The following ATG10 variants were observed in gnomAD, a reference collection of about 807,000 sequenced individuals.
ATG10 encodes the protein ubiquitin-like-conjugating enzyme ATG10.
In ATG10, 30 loss-of-function variants were observed where a neutral mutation model predicts 32.1. The observed-to-expected ratio is 0.94, with a 90% CI of 0.70 to 1.27. The LOEUF (loss-of-function observed/expected upper bound fraction) is 1.27. ATG10 is among the 50% of genes most tolerant of loss of function. ATG10 has a pLI of 0.00. For missense variants in ATG10, 233 were observed against 262.3 expected (o/e 0.89, Z 0.77); for synonymous variants, 87 against 91.5 (o/e 0.95, Z 0.28).
chr5:82,025,198 C>G (rs1309010561), intron 2 of ATG10, among the ~76,000 whole-genome samples: 1 of 152,006 alleles, frequency 6.6e-6, no homozygotes, highest in Non-Finnish European at 1.5e-5. Flanking sequence ...TTGCTGATAC[C>G]CGGACAAGCA....
chr5:82,127,084 A>G (rs1485245760), intron 3 of ATG10, among the ~76,000 whole-genome samples: 1 of 152,200 alleles, frequency 6.6e-6, no homozygotes, highest in Non-Finnish European at 1.5e-5. Context: ...TGTTTATAGT[A>G]TTCTCTGATG....
At position 82,254,076 on chromosome 5, in the gene ATG10, A is replaced by G. The variant is rs1747368060; in HGVS notation, c.*13A>G. The G allele has an allele frequency of 6.6e-6, 1 of 151,932 alleles. No individual in the cohort carries two copies. The highest frequency in any genetic ancestry group is 1.9e-4 in the East Asian group (1 of 5,182). The allele number at this position is 151,932 out of a possible 1,614,324, so 9.4% of individuals were successfully genotyped here. A position where few individuals can be genotyped will look rare whatever the true frequency, so the allele number is the denominator to read the frequency against. On this transcript the variant is annotated 3_prime_UTR_variant, in exon 8 of 8. Transcript: ENST00000282185. ...TGTTTTATGTTCTTCAGATTCTTCT[A>G]TTGAGTTTAGGAATTGCGGCACGAA...
In ATG10 at chr5:82,255,788, G is replaced by A. The variant is rs1373181239; in HGVS notation, c.*1725G>A. On this transcript the variant is annotated 3_prime_UTR_variant, in exon 8 of 8. Transcript: ENST00000282185. ...CTTGTAGGAAACTGCTTCAGGTGAG[G>A]ACATCATTCACCAGTGGATCACCGA... The A allele has an allele frequency of 6.6e-6, 1 of 152,182 alleles. No individual in the cohort carries two copies. 9.4% of individuals were successfully genotyped at this position (152,182 alleles called of 1,614,324 possible).
At chr5:82,078,005 G>A (rs545017143) in intron 3 of ATG10, among the ~76,000 whole-genome samples, 1 of 152,094 alleles carries the variant, frequency 6.6e-6, no homozygotes, top group Non-Finnish European at 1.5e-5. Context: ...GGTTTTTAAC[G>A]ATGGAAAAAT....
intron 3 of ATG10, among the ~76,000 whole-genome samples, chr5:82,143,933 A>G (rs968195098): frequency 5.9e-5 from 9 of 152,214 alleles, no homozygotes; most frequent in African/African-American, 1.9e-4. Context: ...AATATTTTGT[A>G]GAGCTTTACC....
At chr5:82,031,136 C>G (rs1297177627) in intron 2 of ATG10, among the ~76,000 whole-genome samples, 2 of 152,082 alleles carry the variant, frequency 1.3e-5, no homozygotes, top group African/African-American at 4.8e-5. Flanking sequence ...AGTTTGATCT[C>G]AACCAAATCA....
At chr5:82,079,943 TG>T (rs1169539721) in intron 3 of ATG10, among the ~76,000 whole-genome samples, 1 of 152,246 alleles carries the variant, frequency 6.6e-6, no homozygotes, top group African/African-American at 2.4e-5. Flanking sequence ...ATCGCCACAC[TG>T]TCTTCCACAA....
chr5:82,218,294 C>A (rs116771683), intron 5 of ATG10, among the ~76,000 whole-genome samples: 102 of 152,316 alleles, frequency 6.7e-4, no homozygotes, highest in African/African-American at 2.4e-3. Context: ...TTCTTTCCTG[C>A]TACAGATTCA....
In ATG10 at chr5:82,200,885, T is replaced by TTATA. The variant is rs1745045618; in HGVS notation, c.453+22301_453+22302insATAT. ...ATACATTATTTATTTATTTATTTAT[T>TTATA]TATTTATTTATTTATTTATTTTGAG... On this transcript the variant is annotated intron_variant, in intron 5 of 7. Coordinates refer to ENST00000282185, the MANE Select transcript of ATG10 (RefSeq NM_031482.5). Among the ~76,000 whole-genome samples the TTATA allele has an allele frequency of 2.0e-5, 3 of 150,202 alleles. No individual in the cohort carries two copies. In the South Asian group the frequency reaches 6.3e-4, roughly 31 times the overall value.
intron 2 of ATG10, among the ~76,000 whole-genome samples, chr5:82,006,901 T>G (rs1311940140): frequency 6.6e-6 from 1 of 152,202 alleles, no homozygotes; most frequent in Non-Finnish European, 1.5e-5. Context: ...GTCACCAGGC[T>G]GGAATGCGGT....
chr5:82,126,863 C>T (rs1374108401), intron 3 of ATG10, among the ~76,000 whole-genome samples: 1 of 152,298 alleles, frequency 6.6e-6, no homozygotes, highest in Non-Finnish European at 1.5e-5. Context: ...ATGGTACCAG[C>T]TCCTCTTTGT....
intron 5 of ATG10, among the ~76,000 whole-genome samples, chr5:82,236,562 C>T (rs1746559587): frequency 6.6e-6 from 1 of 152,036 alleles, no homozygotes; most frequent in Non-Finnish European, 1.5e-5. Flanking sequence ...CTCTATGGAG[C>T]CATGAAAGAA....
At chr5:82,136,525 C>T (rs187509652) in intron 3 of ATG10, among the ~76,000 whole-genome samples, 309 of 152,264 alleles carry the variant, frequency 2.0e-3, no homozygotes, top group African/African-American at 6.8e-3. Flanking sequence ...GTTGAAAATT[C>T]TTTTCTTTAA....
intron 3 of ATG10, among the ~76,000 whole-genome samples, chr5:82,142,804 A>T (rs1046479821): frequency 6.6e-6 from 1 of 152,190 alleles, no homozygotes; most frequent in East Asian, 1.9e-4. Context: ...GATCACAGCA[A>T]TACTTAGGAG....
chr5:82,198,110 T>C (rs1021918081), intron 5 of ATG10, among the ~76,000 whole-genome samples: 2 of 152,232 alleles, frequency 1.3e-5, no homozygotes, highest in Admixed American at 6.5e-5. Context: ...CTTGAGATTT[T>C]CATTTAATTC....
intron 5 of ATG10, among the ~76,000 whole-genome samples, chr5:82,239,260 CA>C (rs1366475423): frequency 6.6e-6 from 1 of 152,162 alleles, no homozygotes; most frequent in Non-Finnish European, 1.5e-5. Context: ...CTTTATGGAA[CA>C]GGCAGCATAT....
At chr5:82,158,377 C>T (rs1022092183) in intron 3 of ATG10, among the ~76,000 whole-genome samples, 3 of 148,706 alleles carry the variant, frequency 2.0e-5, no homozygotes, top group African/African-American at 5.0e-5. Context: ...CTGTGGGTTC[C>T]GTATCCATGG....
In ATG10 at chr5:82,250,436, C is replaced by T. The variant is rs1392013272; in HGVS notation, c.454-2126C>T. 2.6e-5 allele frequency among the ~76,000 whole-genome samples: 4 copies of T among 152,164 alleles called. No individual in the cohort carries two copies. The East Asian group carries it at 7.7e-4, about 29-fold the overall frequency. ...ATCCAGGATGAGGGCACTGGAAGAT[C>T]CAGTGTCTGGTGAGGACCCGTTTCC... On this transcript the variant is annotated intron_variant, in intron 5 of 7. Coordinates refer to ENST00000282185, the MANE Select transcript of ATG10 (RefSeq NM_031482.5).
intron 2 of ATG10, among the ~76,000 whole-genome samples, chr5:82,030,652 T>C (rs572704092): frequency 6.6e-6 from 1 of 152,172 alleles, no homozygotes; most frequent in Non-Finnish European, 1.5e-5. Context: ...TAGTTGCTGG[T>C]TCATACAAGA....
Sources: gnomAD v4.1 joint callset for allele counts (sites outside exome capture counted in the v4.1 genomes callset) on GRCh38, gnomAD v4.1.1 for gene constraint, MANE v1.5 for transcripts, NCBI Gene and HGNC (gene_info 2026-07-23, HGNC 2026-07-21) for gene names.